The following EFCAB6 variants were observed in gnomAD, a reference collection of about 807,000 sequenced individuals.
EFCAB6 encodes EF-hand calcium binding domain 6, also known as EF-hand calcium-binding domain-containing protein 6.
EFCAB6 carries 156 observed loss-of-function variants against 169.8 expected under a neutral mutation model. The observed-to-expected ratio is 0.92, with a 90% CI of 0.81 to 1.05. The LOEUF (loss-of-function observed/expected upper bound fraction) is 1.05. EFCAB6 is among the 50% of genes least tolerant of loss of function. The probability of loss-of-function intolerance (pLI) is 0.00; values close to 1 mark genes in which losing one functional copy is unlikely to be tolerated. For synonymous variants in EFCAB6, 698 were observed against 676.4 expected, an observed-to-expected ratio of 1.03 and a Z score of -0.50; for missense variants, 1,800 against 1,829.1, an observed-to-expected ratio of 0.98 and a Z score of 0.29.
intron 8 of EFCAB6, among the ~76,000 whole-genome samples, chr22:43,729,400 G>A (rs1006473307): frequency 5.9e-5 from 9 of 151,728 alleles, no homozygotes; most frequent in African/African-American, 1.7e-4. Context: ...CCTGGCCTGG[G>A]GATTACATTT....
intron 20 of EFCAB6, among the ~76,000 whole-genome samples, chr22:43,621,254 G>GAATT (rs138722595): frequency 2.0e-5 from 3 of 150,326 alleles, no homozygotes; most frequent in Admixed American, 6.7e-5. Flanking sequence ...ACACCTGGCT[G>GAATT]ATTTATTTAT....
At chr22:43,598,218 G>C (rs2052170945) in intron 23 of EFCAB6, among the ~76,000 whole-genome samples, 1 of 142,538 alleles carries the variant, frequency 7.0e-6, no homozygotes, top group Non-Finnish European at 1.5e-5. Flanking sequence ...GAGGTGGGAG[G>C]ATCACCTGAG....
chr22:43,696,393 T>C (rs1247500347), intron 10 of EFCAB6, among the ~76,000 whole-genome samples: 1 of 152,158 alleles, frequency 6.6e-6, no homozygotes, highest in Non-Finnish European at 1.5e-5. Context: ...TTACATAGTA[T>C]CACAAATTTA....
Position 43,540,124 on chromosome 22 carries a change from C to A in EFCAB6, c.3879+3G>T. On this transcript the variant is annotated splice_donor_region_variant and intron_variant, in intron 28 of 31. Coordinates refer to ENST00000262726, the MANE Select transcript of EFCAB6 (RefSeq NM_022785.4). ...GGGACACCTGGCAGGATGGAGAACT[C>A]ACACAGGGGTGGCTCTGCGACTTTG... The A allele has an allele frequency of 6.2e-7, 1 of 1,613,824 alleles. No individual in the cohort carries two copies. Among genetic ancestry groups the A allele is most frequent in the Non-Finnish European group, 8.5e-7 (1 of 1,179,802 alleles).
At chr22:43,779,298 T>C (rs1490892587) in intron 3 of EFCAB6, among the ~76,000 whole-genome samples, 1 of 152,216 alleles carries the variant, frequency 6.6e-6, no homozygotes, top group African/African-American at 2.4e-5. Context: ...GTGTCTAATA[T>C]TTATTTGCTT....
At chr22:43,750,291 TTG>T (rs1301707021) in intron 6 of EFCAB6, among the ~76,000 whole-genome samples, 1 of 152,200 alleles carries the variant, frequency 6.6e-6, no homozygotes, top group African/African-American at 2.4e-5. Flanking sequence ...ACGGATTATT[TTG>T]TGGTGTGAGA....
intron 23 of EFCAB6, among the ~76,000 whole-genome samples, chr22:43,598,326 A>AC (rs772453314): frequency 7.4e-5 from 11 of 148,632 alleles, no homozygotes; most frequent in Non-Finnish European, 1.3e-4. Flanking sequence ...AAAAAAAAAA[A>AC]AAAAAAAAAA....
At chr22:43,644,635 C>A (rs997027680) in intron 17 of EFCAB6, among the ~76,000 whole-genome samples, 5 of 152,188 alleles carry the variant, frequency 3.3e-5, no homozygotes, top group Non-Finnish European at 5.9e-5. Context: ...TAATAGCAAT[C>A]ACAAAGTCGA....
intron 9 of EFCAB6, among the ~76,000 whole-genome samples, chr22:43,715,393 T>C (rs2059298199): frequency 6.6e-6 from 1 of 152,206 alleles, no homozygotes; most frequent in Admixed American, 6.5e-5. Flanking sequence ...CTCATGGGGT[T>C]GCTGTGAAGA....
At chr22:43,671,201 T>G (rs2057476962) in intron 15 of EFCAB6, among the ~76,000 whole-genome samples, 1 of 152,184 alleles carries the variant, frequency 6.6e-6, no homozygotes, top group Non-Finnish European at 1.5e-5. Flanking sequence ...TCTGTTTTTG[T>G]TTTTTGTTTT....
At chr22:43,771,710 C>G (rs1480776536) in intron 4 of EFCAB6, among the ~76,000 whole-genome samples, 1 of 152,126 alleles carries the variant, frequency 6.6e-6, no homozygotes, top group Non-Finnish European at 1.5e-5. Context: ...TGGCACACCA[C>G]CAGGTGGCCA....
chr22:43,790,626 T>G (rs776840583), intron 2 of EFCAB6, among the ~76,000 whole-genome samples: 1 of 152,176 alleles, frequency 6.6e-6, no homozygotes, highest in Non-Finnish European at 1.5e-5. Flanking sequence ...TGCAGGCCAG[T>G]GTGAGGCTTG....
intron 12 of EFCAB6, among the ~76,000 whole-genome samples, chr22:43,681,399 A>C (rs776423155): frequency 6.6e-6 from 1 of 152,086 alleles, no homozygotes; most frequent in Non-Finnish European, 1.5e-5. Context: ...GTCACAAAGG[A>C]TATTGGCCTG....
intron 2 of EFCAB6, among the ~76,000 whole-genome samples, chr22:43,789,660 G>A (rs1036006567): frequency 3.9e-5 from 6 of 152,106 alleles, no homozygotes; most frequent in African/African-American, 1.2e-4. Flanking sequence ...TTTTTAATTC[G>A]TAGATACTGC....
chr22:43,739,960 A>C (rs1383091084), intron 6 of EFCAB6, among the ~76,000 whole-genome samples: 1 of 151,582 alleles, frequency 6.6e-6, no homozygotes, highest in Non-Finnish European at 1.5e-5. Context: ...CCACCAGGCC[A>C]CACCCGACTG....
intron 6 of EFCAB6, among the ~76,000 whole-genome samples, chr22:43,742,914 A>T (rs2060425408): frequency 6.6e-6 from 1 of 152,148 alleles, no homozygotes; most frequent in Non-Finnish European, 1.5e-5. Context: ...CTAGGGGAGG[A>T]CCATGAGACC....
At chr22:43,776,413 CAATA>C (rs2061641740) in intron 3 of EFCAB6, among the ~76,000 whole-genome samples, 1 of 152,170 alleles carries the variant, frequency 6.6e-6, no homozygotes, top group African/African-American at 2.4e-5. Flanking sequence ...GACAAGAAGC[CAATA>C]AATAAATAAA....
chr22:43,530,955 C>G lies in EFCAB6; in HGVS notation c.4243G>C (p.Gly1415Arg), dbSNP rs766211358. The G allele has an allele frequency of 6.2e-7, 1 of 1,613,900 alleles. No individual in the cohort carries two copies. Residue 1415 changes from glycine to arginine, a missense_variant, in exon 31 of 32, where the codon GGC becomes CGC. Gly to Arg is a moderately radical substitution (Grantham distance 125). Transcript: ENST00000262726. ...GAGTAAAAAGATGGCGTCTCCGCGC[C>G]GGCTTCTTTCTAGACACAAGACAAG... ...IQNAHKMKEA[G>R]AETPSFYSAL... is the part of the protein sequence containing the mutation.
At chr22:43,647,666 AC>A (rs2056247513) in intron 17 of EFCAB6, among the ~76,000 whole-genome samples, 1 of 152,228 alleles carries the variant, frequency 6.6e-6, no homozygotes, top group Non-Finnish European at 1.5e-5. Context: ...TGAGAGTAGT[AC>A]CTCACCCAAT....
Sources: gnomAD v4.1 joint callset for allele counts (sites outside exome capture counted in the v4.1 genomes callset) on GRCh38, gnomAD v4.1.1 for gene constraint, MANE v1.5 for transcripts, NCBI Gene and HGNC (gene_info 2026-07-23, HGNC 2026-07-21) for gene names.